The following CPE variants were observed in gnomAD, a reference collection of about 807,000 sequenced individuals.
The protein encoded by CPE is carboxypeptidase E, also known as carbocypeptidase E.
CPE carries 17 observed loss-of-function variants against 53.5 expected under a neutral mutation model. The ratio of observed to expected loss-of-function variants is 0.32; its 90% confidence interval spans 0.22 to 0.48. The LOEUF is 0.48. Among genes scored for constraint, CPE ranks in the 20% least tolerant of loss-of-function variants. The pLI, the probability that CPE is intolerant of heterozygous loss-of-function variation, is 0.99. For synonymous variants in CPE, 226 were observed against 228.8 expected (o/e 0.99, Z 0.11); for missense variants, 524 against 614.7 (o/e 0.85, Z 1.56).
chr4:165,492,423 A>G (rs1015071288), intron 6 of CPE, among the ~76,000 whole-genome samples: 1 of 152,194 alleles, frequency 6.6e-6, no homozygotes, highest in Non-Finnish European at 1.5e-5. Context: ...ATGCACTAAG[A>G]CTAGAACTTT....
At chr4:165,414,365 A>T (rs1353851322) in intron 1 of CPE, among the ~76,000 whole-genome samples, 1 of 152,210 alleles carries the variant, frequency 6.6e-6, no homozygotes, top group African/African-American at 2.4e-5. Flanking sequence ...AAATAGGATG[A>T]TCTGCTTTAA....
intron 1 of CPE, among the ~76,000 whole-genome samples, chr4:165,430,861 GA>G (rs1731397897): frequency 6.6e-6 from 1 of 152,176 alleles, no homozygotes; most frequent in South Asian, 2.1e-4. Flanking sequence ...CAGAGGAAAT[GA>G]ATGATGGAAT....
At chr4:165,428,713 G>A (rs1478687506) in intron 1 of CPE, among the ~76,000 whole-genome samples, 1 of 152,114 alleles carries the variant, frequency 6.6e-6, no homozygotes, top group East Asian at 1.9e-4. Flanking sequence ...CCAGCTCCTG[G>A]TGGGTGCCAG....
At chr4:165,440,974 T>C (rs1731600340) in intron 1 of CPE, among the ~76,000 whole-genome samples, 1 of 152,120 alleles carries the variant, frequency 6.6e-6, no homozygotes, top group South Asian at 2.1e-4. Flanking sequence ...ATTGCATCAA[T>C]GGAAATGCAG....
intron 1 of CPE, among the ~76,000 whole-genome samples, chr4:165,413,538 T>G (rs1731074208): frequency 7.2e-6 from 1 of 139,302 alleles, no homozygotes; most frequent in Non-Finnish European, 1.6e-5. Flanking sequence ...CTTAGCTGAA[T>G]TCTGGCTTTA....
rs76162453 is a variant in CPE, at chr4:165,407,552, C to CT, written c.307+28037dup. On this transcript the variant is annotated intron_variant, in intron 1 of 8. Transcript: ENST00000402744. ...GCATCATGCCGGGCTTCAATTTTTTCTTTTTTTTTTTTTGAGATGGAGTCT... is the reference window on the plus strand; with the variant it reads ...GCATCATGCCGGGCTTCAATTTTTTCTTTTTTTTTTTTTTGAGATGGAGTCT... Among the ~76,000 whole-genome samples, 590 of 141,174 alleles carry CT rather than the reference C, an allele frequency of 4.2e-3. 2 individuals carry two copies. The highest frequency in any genetic ancestry group is 7.6e-3 in the African/African-American group (295 of 38,776). 92.6% of individuals were successfully genotyped at this position (141,174 alleles called of 152,430 possible).
chr4:165,485,581 A>T (rs966683136), intron 5 of CPE, among the ~76,000 whole-genome samples: 2 of 152,190 alleles, frequency 1.3e-5, no homozygotes, highest in African/African-American at 4.8e-5. Flanking sequence ...GATTTAGAGC[A>T]TGTCTAGTAC....
At chr4:165,389,424 T>A (rs1233699904) in intron 1 of CPE, among the ~76,000 whole-genome samples, 1 of 152,198 alleles carries the variant, frequency 6.6e-6, no homozygotes, top group African/African-American at 2.4e-5. Flanking sequence ...GTAAAAAATA[T>A]GATTTCTCAA....
intron 1 of CPE, among the ~76,000 whole-genome samples, chr4:165,448,535 G>A (rs1463808466): frequency 6.6e-6 from 1 of 152,054 alleles, no homozygotes; most frequent in African/African-American, 2.4e-5. Flanking sequence ...AGCAGGAAAT[G>A]CCCCACTTCT....
chr4:165,467,432 T>C (rs1466768499), intron 2 of CPE, among the ~76,000 whole-genome samples: 1 of 152,226 alleles, frequency 6.6e-6, no homozygotes, highest in East Asian at 1.9e-4. Flanking sequence ...TCACCTCCAT[T>C]ATAGTCTTAT....
At chr4:165,388,298 T>G (rs1316884656) in intron 1 of CPE, among the ~76,000 whole-genome samples, 1 of 152,208 alleles carries the variant, frequency 6.6e-6, no homozygotes, top group Admixed American at 6.5e-5. Context: ...TCCTTTTCTT[T>G]TTTTAGCCAA....
rs1170071298 is a variant in CPE, at chr4:165,497,587, A to T, written c.1408A>T (p.Met470Leu). 6.4e-7 allele frequency: 1 copy of T among 1,572,810 alleles called. No homozygotes were observed. Among genetic ancestry groups the T allele is most frequent in the South Asian group, 1.2e-5 (1 of 81,706 alleles). The change falls in exon 9 of 9, where the codon ATG (methionine) becomes TTG (leucine). Residue 470 changes from methionine to leucine, a missense_variant. Physicochemically the swap from Met to Leu is conservative, Grantham distance 15. Coordinates refer to ENST00000402744, the MANE Select transcript of CPE (RefSeq NM_001873.4). ...AGAATTGATGGAATGGTGGAAAATG[A>T]TGTCAGAAACTTTAAATTTTTAAAA... ...KEELMEWWKM[M>L]SETLNF
rs149183643 is a variant in CPE, at chr4:165,455,715, T to A, written c.308-8675T>A. On this transcript the variant is annotated intron_variant, in intron 1 of 8. Coordinates refer to ENST00000402744, the MANE Select transcript of CPE (RefSeq NM_001873.4). ...TTGCCCAGGATAGAGTGCAGTGGCA[T>A]GATGTCGGCTCACTGCAACCTCTGC... Among the ~76,000 whole-genome samples, 412 of 152,054 alleles carry A rather than the reference T, an allele frequency of 2.7e-3. 1 individual carries two copies. Among genetic ancestry groups the A allele is most frequent in the Non-Finnish European group, 4.5e-3 (303 of 67,992 alleles).
intron 6 of CPE, among the ~76,000 whole-genome samples, chr4:165,489,065 C>T (rs372937723): frequency 6.6e-6 from 1 of 152,126 alleles, no homozygotes; most frequent in Non-Finnish European, 1.5e-5. Flanking sequence ...ACAACAAAAA[C>T]TAAGGATAAG....
At position 165,497,513 on chromosome 4, in the gene CPE, T is replaced by C. The variant is rs761072769; in HGVS notation, c.1334T>C (p.Val445Ala). 3.3e-6 allele frequency: 5 copies of C among 1,535,680 alleles called. No individual in the cohort carries two copies. Among genetic ancestry groups the C allele is most frequent in the South Asian group, 1.3e-5 (1 of 77,134 alleles). ...VAVPYSPAAGVDFELESFSER... is the reference protein window; with the variant it reads ...VAVPYSPAAGADFELESFSER... ...TATGTTCTTGATTTTCTCTTTTAGG[T>C]TGATTTTGAACTGGAGTCATTTTCT... The change falls in exon 9 of 9, where the codon GTT (valine) becomes GCT (alanine). Residue 445 changes from valine to alanine, a missense_variant and splice_region_variant. Coordinates refer to ENST00000402744, the MANE Select transcript of CPE (RefSeq NM_001873.4).
chr4:165,379,183 C>G lies in CPE; in HGVS notation c.-39C>G, dbSNP rs1295539764. On this transcript the variant is annotated 5_prime_UTR_variant, in exon 1 of 9. Coordinates refer to ENST00000402744, the MANE Select transcript of CPE (RefSeq NM_001873.4). The surrounding 1 kb of genome is among the most constrained non-coding windows in gnomAD (Gnocchi z 6.0). ...GGCCGGGCAGACAAAAGAGGCCGCC[C>G]GCGTAGGAAGGCACGGCCGGCGGCG... 3 of 1,221,280 alleles carry G rather than the reference C, an allele frequency of 2.5e-6. No individual in the cohort carries two copies. Among genetic ancestry groups the G allele is most frequent in the Non-Finnish European group, 3.1e-6 (3 of 982,760 alleles). The allele number at this position is 1,221,280 out of a possible 1,614,324, so 75.7% of individuals were successfully genotyped here. A position where few individuals can be genotyped will look rare whatever the true frequency, so the allele number is the denominator to read the frequency against.
At chr4:165,488,773 C>A (rs1732551384) in intron 6 of CPE, among the ~76,000 whole-genome samples, 1 of 151,988 alleles carries the variant, frequency 6.6e-6, no homozygotes, top group South Asian at 2.1e-4. Context: ...AATCCAGTTT[C>A]TTTCTCCACC....
At chr4:165,469,868 C>A (rs574906582) in intron 3 of CPE, among the ~76,000 whole-genome samples, 1 of 152,154 alleles carries the variant, frequency 6.6e-6, no homozygotes, top group Non-Finnish European at 1.5e-5. Flanking sequence ...GACAGGAATC[C>A]AGACAAGTGT....
chr4:165,453,193 C>T (rs1235248909), intron 1 of CPE, among the ~76,000 whole-genome samples: 1 of 151,950 alleles, frequency 6.6e-6, no homozygotes, highest in African/African-American at 2.4e-5. Flanking sequence ...CTCCTGACCT[C>T]GTGATCCGCC....
Sources: gnomAD v4.1 joint callset for allele counts (sites outside exome capture counted in the v4.1 genomes callset) on GRCh38, gnomAD v4.1.1 for gene constraint, Gnocchi (gnomAD v3.1) non-coding constraint, MANE v1.5 for transcripts, NCBI Gene and HGNC (gene_info 2026-07-23, HGNC 2026-07-21) for gene names.